CGNL1: variants seen among roughly 807,000 people sequenced by gnomAD.
CGNL1 encodes the protein cingulin-like protein 1.
Under a neutral mutation model 141.2 loss-of-function variants are expected in CGNL1, and 132 were observed. The ratio of observed to expected loss-of-function variants is 0.93; its 90% confidence interval spans 0.81 to 1.08. The LOEUF (loss-of-function observed/expected upper bound fraction) is 1.08. Among genes scored for constraint, CGNL1 ranks in the 50% least tolerant of loss-of-function variants. The pLI is 0.00. For missense variants in CGNL1, 1,870 were observed against 1,588.6 expected (o/e 1.18, Z -3.01); for synonymous variants, 690 against 622.1 (o/e 1.11, Z -1.63).
intron 4 of CGNL1, among the ~76,000 whole-genome samples, chr15:57,451,116 G>T (rs767841810): frequency 6.6e-6 from 1 of 152,124 alleles, no homozygotes; most frequent in African/African-American, 2.4e-5. Flanking sequence ...ATTATGGAGA[G>T]GCTTTTTAAG....
rs138987506 is a variant in CGNL1 at position 57,502,125 on chromosome 15, G to C, written c.2404-14655G>C. Among the ~76,000 whole-genome samples, 113 of 152,298 alleles carry C rather than the reference G, an allele frequency of 7.4e-4. 1 individual carries two copies. The highest frequency in any genetic ancestry group is 2.4e-3 in the African/African-American group (101 of 41,548). On this transcript the variant is annotated intron_variant, in intron 8 of 18. Coordinates refer to ENST00000281282, the MANE Select transcript of CGNL1 (RefSeq NM_032866.5). ...TTTGAGAGAAGACTTAGTACAACCT[G>C]CCAGTGAGTGAGGAAGGACCTTGGA...
At chr15:57,513,494 T>G (rs1424992244) in intron 8 of CGNL1, among the ~76,000 whole-genome samples, 3 of 152,114 alleles carry the variant, frequency 2.0e-5, no homozygotes, top group Non-Finnish European at 4.4e-5. Context: ...CTATAAACAT[T>G]CATGTACAAG....
chr15:57,509,921 C>T (rs145711619), intron 8 of CGNL1, among the ~76,000 whole-genome samples: 2 of 152,286 alleles, frequency 1.3e-5, no homozygotes, highest in East Asian at 1.9e-4. Context: ...ACCACACCAC[C>T]CTTGACTGGG....
chr15:57,538,053 A>C (rs1294466413), intron 14 of CGNL1, among the ~76,000 whole-genome samples: 2 of 152,190 alleles, frequency 1.3e-5, no homozygotes, highest in Non-Finnish European at 2.9e-5. Flanking sequence ...GGCTCAGGGT[A>C]AGAATTTGAT....
At chr15:57,521,407 C>T (rs1368052128) in intron 10 of CGNL1, among the ~76,000 whole-genome samples, 1 of 152,116 alleles carries the variant, frequency 6.6e-6, no homozygotes, top group Non-Finnish European at 1.5e-5. Flanking sequence ...ACACCCCATC[C>T]TTGCTTGGTG....
At chr15:57,391,930 C>T (rs1034812806) in intron 1 of CGNL1, among the ~76,000 whole-genome samples, 1 of 150,098 alleles carries the variant, frequency 6.7e-6, no homozygotes, top group Admixed American at 6.6e-5. Context: ...TTCTGAGATC[C>T]CATTTTTTTG....
chr15:57,437,701 C>T (rs569100215), intron 1 of CGNL1, among the ~76,000 whole-genome samples: 4 of 141,262 alleles, frequency 2.8e-5, no homozygotes, highest in African/African-American at 5.2e-5. Flanking sequence ...AATGAAGCTA[C>T]GCCAAAAGTG....
intron 1 of CGNL1, chr15:57,401,948 A>G (rs2062664966): frequency 6.6e-6 from 1 of 152,184 alleles, no homozygotes. Flanking sequence ...TCTATGGACA[A>G]TGTACCCTTT....
At chr15:57,492,245 T>C (rs1392766954) in intron 8 of CGNL1, among the ~76,000 whole-genome samples, 2 of 152,166 alleles carry the variant, frequency 1.3e-5, no homozygotes, top group East Asian at 3.9e-4. Flanking sequence ...TAAGGGAGGT[T>C]AGAGGATCTG....
intron 3 of CGNL1, among the ~76,000 whole-genome samples, chr15:57,440,957 G>T (rs1456569281): frequency 6.6e-6 from 1 of 152,026 alleles, no homozygotes; most frequent in South Asian, 2.1e-4. Flanking sequence ...CTTGGTGGTT[G>T]AGGTGGAATA....
chr15:57,434,570 C>T (rs1246585428), intron 1 of CGNL1, among the ~76,000 whole-genome samples: 1 of 151,972 alleles, frequency 6.6e-6, no homozygotes, highest in Non-Finnish European at 1.5e-5. Context: ...TTATAAAACC[C>T]ACCCCTGGGT....
At chr15:57,521,558 TG>T (rs2031255697) in intron 10 of CGNL1, among the ~76,000 whole-genome samples, 1 of 152,316 alleles carries the variant, frequency 6.6e-6, no homozygotes, top group Admixed American at 6.5e-5. Flanking sequence ...CTTACTACCT[TG>T]CAAAAGAGGC....
At chr15:57,484,941 T>C (rs2063769233) in intron 8 of CGNL1, among the ~76,000 whole-genome samples, 1 of 151,868 alleles carries the variant, frequency 6.6e-6, no homozygotes, top group African/African-American at 2.4e-5. Flanking sequence ...TTTTTTCTAT[T>C]TTTTTTATGT....
chr15:57,468,671 G>A (rs1315036752), intron 8 of CGNL1, among the ~76,000 whole-genome samples: 3 of 152,104 alleles, frequency 2.0e-5, no homozygotes, highest in African/African-American at 7.2e-5. Flanking sequence ...TTGGTAGTCA[G>A]TGAGGGAGCA....
In CGNL1 at chr15:57,547,391, GGATGACGAC is replaced by G; in HGVS notation, c.3817_3825del (p.Asp1273_Asp1275del). The G allele has an allele frequency of 6.2e-7, 1 of 1,614,234 alleles. No homozygotes were observed. The highest frequency in any genetic ancestry group is 8.5e-7 in the Non-Finnish European group (1 of 1,180,030). Reference sequence around the variant, plus strand: ...TGCCGAGTAAAGTGCTGGATGACATGGATGACGACGATGACCTCAGCACGGATGGGGGAA... The same window carrying G: ...TGCCGAGTAAAGTGCTGGATGACATGGATGACCTCAGCACGGATGGGGGAA... On this transcript the variant is annotated inframe_deletion, in exon 19 of 19. Coordinates refer to ENST00000281282, the MANE Select transcript of CGNL1 (RefSeq NM_032866.5).
intron 1 of CGNL1, among the ~76,000 whole-genome samples, chr15:57,377,657 C>T (rs2062379796): frequency 6.6e-6 from 1 of 152,158 alleles, no homozygotes. Flanking sequence ...CTGAAGATCC[C>T]TTTGTTTCTA....
At chr15:57,431,130 G>A (rs1394197899) in intron 1 of CGNL1, among the ~76,000 whole-genome samples, 1 of 152,150 alleles carries the variant, frequency 6.6e-6, no homozygotes, top group African/African-American at 2.4e-5. Flanking sequence ...TGTACAAGGT[G>A]GGTTTAGGGG....
chr15:57,401,094 T>A (rs2062656060), intron 1 of CGNL1, among the ~76,000 whole-genome samples: 1 of 152,100 alleles, frequency 6.6e-6, no homozygotes, highest in South Asian at 2.1e-4. Context: ...GTACTGATTT[T>A]TGTATTTTTA....
intron 8 of CGNL1, among the ~76,000 whole-genome samples, chr15:57,504,856 G>T (rs1281958766): frequency 1.3e-5 from 2 of 152,210 alleles, no homozygotes; most frequent in Non-Finnish European, 2.9e-5. Flanking sequence ...GAAATATTAG[G>T]TGAACAGCAC....
Sources: allele counts gnomAD v4.1 joint callset (sites outside exome capture counted in the v4.1 genomes callset), GRCh38; gene constraint gnomAD v4.1.1; transcripts MANE v1.5; gene names NCBI Gene and HGNC (gene_info 2026-07-23, HGNC 2026-07-21).